Variants in CFAP61 observed in about 807,000 individuals in gnomAD.
CFAP61 encodes cilia- and flagella-associated protein 61.
Under a neutral mutation model 135.6 loss-of-function variants are expected in CFAP61, and 107 were observed. The observed-to-expected ratio is 0.79, with a 90% CI of 0.67 to 0.93. The LOEUF is 0.93. Ranked by LOEUF, CFAP61 falls within the 40% of genes least tolerant of loss-of-function variation. The pLI is 0.00. For missense variants in CFAP61, 1,507 were observed against 1,556.2 expected (o/e 0.97, Z 0.53); for synonymous variants, 575 against 578.5 (o/e 0.99, Z 0.09).
chr20:20,140,392 G>C (rs1177304793), intron 8 of CFAP61, among the ~76,000 whole-genome samples: 1 of 128,842 alleles, frequency 7.8e-6, no homozygotes, highest in Non-Finnish European at 1.6e-5. Context: ...CCCTTCCTGT[G>C]TCCATGTGTT....
intron 6 of CFAP61, 89 bp from the exon 7 acceptor site, chr20:20,090,755 T>G: frequency 7.6e-7 from 1 of 1,320,666 alleles, no homozygotes; most frequent in Non-Finnish European, 1.1e-6. Flanking sequence ...GCCCCGGCAC[T>G]TAGAACAGGG....
chr20:20,129,373 A>G (rs2050326826), intron 8 of CFAP61, among the ~76,000 whole-genome samples: 1 of 151,832 alleles, frequency 6.6e-6, no homozygotes, highest in Non-Finnish European at 1.5e-5. Context: ...TAATTTCAGC[A>G]ATTTTGAAAA....
chr20:20,351,460 T>TAC (rs1441107494), intron 26 of CFAP61, among the ~76,000 whole-genome samples: 2 of 151,686 alleles, frequency 1.3e-5, no homozygotes, highest in Non-Finnish European at 1.5e-5. Flanking sequence ...CGGGTGCCTG[T>TAC]AATCCCAGCT....
At chr20:20,116,906 G>A (rs957803625) in intron 8 of CFAP61, among the ~76,000 whole-genome samples, 5 of 152,152 alleles carry the variant, frequency 3.3e-5, no homozygotes, top group Non-Finnish European at 7.3e-5. Flanking sequence ...ATATAGGTAT[G>A]TAACACTGTG....
At chr20:20,237,825 T>A (rs2049711334) in intron 18 of CFAP61, among the ~76,000 whole-genome samples, 1 of 152,234 alleles carries the variant, frequency 6.6e-6, no homozygotes, top group African/African-American at 2.4e-5. Flanking sequence ...ATCTCTTTAA[T>A]ACTTAACAGT....
At chr20:20,345,579 T>A (rs1297475759) in intron 26 of CFAP61, among the ~76,000 whole-genome samples, 1 of 152,212 alleles carries the variant, frequency 6.6e-6, no homozygotes, top group African/African-American at 2.4e-5. Flanking sequence ...ATTATCTATC[T>A]ATTATCTATG....
chr20:20,263,288 G>A (rs1262059117), intron 21 of CFAP61, among the ~76,000 whole-genome samples, 158 bp downstream of exon 21: 2 of 152,090 alleles, frequency 1.3e-5, no homozygotes, highest in South Asian at 2.1e-4. Context: ...TTTACAACTT[G>A]TTGTCATTTT....
chr20:20,141,155 A>G lies in CFAP61; in HGVS notation c.860-1702A>G, dbSNP rs555154631. Among the ~76,000 whole-genome samples, 4 of 152,234 alleles carry G rather than the reference A, an allele frequency of 2.6e-5. No homozygotes were observed. The East Asian group carries it at 5.8e-4, about 22-fold the overall frequency. ...AGGCTGGTCTTGAACTCCTGACCTC[A>G]GGTGATCCAACTCCCTTGGCCTCCC... On this transcript the variant is annotated intron_variant, in intron 8 of 26. Coordinates refer to ENST00000245957, the MANE Select transcript of CFAP61 (RefSeq NM_015585.4).
At chr20:20,162,349 T>TA (rs2146804609) in intron 10 of CFAP61, among the ~76,000 whole-genome samples, 1 of 152,318 alleles carries the variant, frequency 6.6e-6, no homozygotes, top group South Asian at 2.1e-4. Flanking sequence ...ACCTGTAACA[T>TA]CTTTGGGGAC....
At chr20:20,071,028 G>A (rs781404397) in intron 3 of CFAP61, 24 bp downstream of exon 3, 2 of 1,609,124 alleles carry the variant, frequency 1.2e-6, no homozygotes, top group East Asian at 2.2e-5. Context: ...TACAGTGCTT[G>A]TTAGAACACC....
intron 8 of CFAP61, among the ~76,000 whole-genome samples, chr20:20,117,365 AAAATAAATAAAT>A (rs61453815): frequency 2.0e-5 from 3 of 151,340 alleles, no homozygotes; most frequent in African/African-American, 7.3e-5. Context: ...TAATAAGTTA[AAAATAAATAAAT>A]AAATAAATAA....
chr20:20,135,467 C>T (rs1165566057), intron 8 of CFAP61, among the ~76,000 whole-genome samples: 5 of 152,162 alleles, frequency 3.3e-5, no homozygotes, highest in African/African-American at 4.8e-5. Context: ...AGAAAGAACT[C>T]CTTGAAAGAA....
intron 24 of CFAP61, among the ~76,000 whole-genome samples, chr20:20,295,103 G>A (rs2055319144): frequency 6.6e-6 from 1 of 152,136 alleles, no homozygotes; most frequent in Non-Finnish European, 1.5e-5. Flanking sequence ...TCAGCCTGCA[G>A]CCTGCAGGGC....
rs540430864 is a variant in CFAP61 at position 20,085,164 on chromosome 20, G to A, written c.567-5680G>A. The A allele has an allele frequency of 3.0e-6, 3 of 985,460 alleles. No homozygotes were observed. In the East Asian group the frequency reaches 3.4e-4, roughly 112 times the overall value. The allele number at this position is 985,460 out of a possible 1,614,324, so 61.0% of individuals were successfully genotyped here. A position where few individuals can be genotyped will look rare whatever the true frequency, so the allele number is the denominator to read the frequency against. On this transcript the variant is annotated intron_variant, in intron 6 of 26. Transcript: ENST00000245957. Reference sequence around the variant, plus strand: ...AACACTGTGCGGCCTGTCAGTGCCAGGGCATGTGACGCTGCGGTGCCAAAT... The same window carrying A: ...AACACTGTGCGGCCTGTCAGTGCCAAGGCATGTGACGCTGCGGTGCCAAAT...
In CFAP61 at chr20:20,309,770, G is replaced by C. The variant is rs529049920; in HGVS notation, c.3422+11384G>C. On this transcript the variant is annotated intron_variant, in intron 25 of 26. Coordinates refer to ENST00000245957, the MANE Select transcript of CFAP61 (RefSeq NM_015585.4). ...TGCTCTCTGATAAAATACCTCAGAA[G>C]ATGCCCAGGATAATTCATGTGTGGA... 7.2e-5 allele frequency among the ~76,000 whole-genome samples: 11 copies of C among 152,240 alleles called. No individual in the cohort carries two copies. The South Asian group carries it at 2.1e-3, about 29-fold the overall frequency.
At chr20:20,218,304 G>A (rs2048172958) in intron 17 of CFAP61, among the ~76,000 whole-genome samples, 1 of 152,154 alleles carries the variant, frequency 6.6e-6, no homozygotes, top group Admixed American at 6.5e-5. Context: ...CTTATCAGGG[G>A]TTTCTACTTT....
intron 22 of CFAP61, among the ~76,000 whole-genome samples, chr20:20,288,215 C>T (rs749700127): frequency 1.3e-5 from 2 of 152,086 alleles, no homozygotes; most frequent in African/African-American, 4.8e-5. Context: ...TGCAGAGACC[C>T]GAGTGTCAGA....
intron 8 of CFAP61, among the ~76,000 whole-genome samples, chr20:20,132,225 C>T (rs540928059): frequency 2.6e-5 from 4 of 152,164 alleles, no homozygotes; most frequent in African/African-American, 9.6e-5. Flanking sequence ...CTTCAAATTT[C>T]ATCCATATTG....
intron 26 of CFAP61, among the ~76,000 whole-genome samples, chr20:20,347,544 G>A (rs1032924239): frequency 2.0e-5 from 3 of 152,204 alleles, no homozygotes; most frequent in South Asian, 4.1e-4. Context: ...CATTACTATC[G>A]ACCTTATGGA....
Sources: allele counts gnomAD v4.1 joint callset (sites outside exome capture counted in the v4.1 genomes callset), GRCh38; gene constraint gnomAD v4.1.1; transcripts MANE v1.5; gene names NCBI Gene and HGNC (gene_info 2026-07-23, HGNC 2026-07-21).